LRRTM4: variants seen among roughly 807,000 people sequenced by gnomAD.
The protein encoded by LRRTM4 is leucine rich repeat transmembrane neuronal 4.
Under a neutral mutation model 47.6 loss-of-function variants are expected in LRRTM4, and 25 were observed. The ratio of observed to expected loss-of-function variants is 0.53; its 90% CI spans 0.38 to 0.73. The LOEUF (loss-of-function observed/expected upper bound fraction) is 0.73, where lower values mean the gene tolerates loss of function less well. Among genes scored for constraint, LRRTM4 ranks in the 30% least tolerant of loss-of-function variants. LRRTM4 has a pLI of 0.00. For synonymous variants in LRRTM4, 311 were observed against 269.5 expected (o/e 1.15, Z -1.51); for missense variants, 638 against 713.4 (o/e 0.89, Z 1.20).
intron 3 of LRRTM4, among the ~76,000 whole-genome samples, chr2:77,350,332 C>CAAAAAAAAAA (rs61365229): frequency 2.3e-4 from 9 of 39,190 alleles, no homozygotes; most frequent in East Asian, 1.3e-3. Flanking sequence ...GACTCCGTCT[C>CAAAAAAAAAA]AAAAAAAAAA....
chr2:77,435,826 T>G (rs1675571686), intron 3 of LRRTM4, among the ~76,000 whole-genome samples: 2 of 152,180 alleles, frequency 1.3e-5, no homozygotes, highest in African/African-American at 2.4e-5. Context: ...GCTTCAGTTA[T>G]ATATTCATTC....
chr2:77,370,443 A>T (rs1319228188), intron 3 of LRRTM4, among the ~76,000 whole-genome samples: 1 of 151,542 alleles, frequency 6.6e-6, no homozygotes, highest in Non-Finnish European at 1.5e-5. Context: ...TAGTAATCTC[A>T]ATGCTTCTAA....
rs77347759 is a variant in LRRTM4 at position 76,934,390 on chromosome 2, A to G, written c.1552-185474T>C. On this transcript the variant is annotated intron_variant, in intron 3 of 3. Transcript: ENST00000409884. The stretch of plus-strand genomic sequence containing the variant: ...CCAGCATTTAGATCCAGTCGTATAT[A>G]TGACAGTAATGTGACTAGGGACATA... Among the ~76,000 whole-genome samples, 781 of 152,282 alleles carry G rather than the reference A, an allele frequency of 5.1e-3. 4 individuals carry two copies. The highest frequency in any genetic ancestry group is 0.018 in the African/African-American group (744 of 41,554).
At chr2:76,966,562 C>G (rs1558766681) in intron 3 of LRRTM4, among the ~76,000 whole-genome samples, 1 of 151,308 alleles carries the variant, frequency 6.6e-6, no homozygotes, top group African/African-American at 2.4e-5. Context: ...GAAGAAAATC[C>G]CTCAATTCTC....
chr2:77,418,069 A>G (rs290005), intron 3 of LRRTM4, among the ~76,000 whole-genome samples: 82,167 of 151,992 alleles, frequency 0.54, 23,134 homozygotes, highest in African/African-American at 0.69. Flanking sequence ...AAACAAATGC[A>G]AACTTTCATT....
chr2:77,142,832 TTTTGTAA>T, intron 3 of LRRTM4, among the ~76,000 whole-genome samples: 1 of 152,216 alleles, frequency 6.6e-6, no homozygotes, highest in Non-Finnish European at 1.5e-5. Context: ...GGGTTTGCTT[TTTTGTAA>T]TTTGCACTTA....
chr2:77,411,020 C>T (rs1277851592), intron 3 of LRRTM4, among the ~76,000 whole-genome samples: 1 of 152,076 alleles, frequency 6.6e-6, no homozygotes, highest in Non-Finnish European at 1.5e-5. Flanking sequence ...TTATAATCTA[C>T]CTGGAACAAT....
At chr2:77,070,929 T>C (rs970240438) in intron 3 of LRRTM4, among the ~76,000 whole-genome samples, 2 of 152,204 alleles carry the variant, frequency 1.3e-5, no homozygotes, top group Non-Finnish European at 2.9e-5. Flanking sequence ...AAAGTATTTT[T>C]TTGAAATAAC....
At chr2:76,910,499 TA>T (rs935037791) in intron 3 of LRRTM4, among the ~76,000 whole-genome samples, 4 of 151,690 alleles carry the variant, frequency 2.6e-5, no homozygotes, top group South Asian at 2.1e-4. Flanking sequence ...AGTATAATAA[TA>T]AAAAAAAGAA....
chr2:77,074,071 A>G (rs1299851148), intron 3 of LRRTM4, among the ~76,000 whole-genome samples: 2 of 152,168 alleles, frequency 1.3e-5, no homozygotes, highest in African/African-American at 2.4e-5. Flanking sequence ...TAAATTTTCA[A>G]TATTGCATAG....
chr2:76,871,050 T>A (rs1672609419), intron 3 of LRRTM4, among the ~76,000 whole-genome samples: 1 of 152,212 alleles, frequency 6.6e-6, no homozygotes, highest in Non-Finnish European at 1.5e-5. Context: ...AGCAGTATGA[T>A]GTCTATTATA....
rs371764078 is a variant in LRRTM4, at chr2:77,262,552, TC to T, written c.1551+255765del. The stretch of plus-strand genomic sequence containing the variant: ...TCCCATCTAGAATAACATTTTTTTT[TC>T]ATGTTTTCTTAGACTTTGATAGACT... On this transcript the variant is annotated intron_variant, in intron 3 of 3. Transcript: ENST00000409884. 2.0e-3 allele frequency among the ~76,000 whole-genome samples: 305 copies of T among 152,186 alleles called. 2 individuals are homozygous for T. The highest frequency in any genetic ancestry group is 6.2e-3 in the African/African-American group (257 of 41,528).
At chr2:77,518,235 G>A (rs1679300675) in intron 3 of LRRTM4, 83 bp downstream of exon 3, 5 of 1,422,304 alleles carry the variant, frequency 3.5e-6, no homozygotes, top group Non-Finnish European at 4.6e-6. Flanking sequence ...TCTTTCTAGT[G>A]ATTAGAGACA....
chr2:76,891,331 C>T (rs1244859904), intron 3 of LRRTM4, among the ~76,000 whole-genome samples: 2 of 151,728 alleles, frequency 1.3e-5, no homozygotes, highest in Non-Finnish European at 2.9e-5. Context: ...TATTGCTGGT[C>T]TGAAATAATA....
At chr2:77,296,964 C>T (rs1676990903) in intron 3 of LRRTM4, among the ~76,000 whole-genome samples, 1 of 152,216 alleles carries the variant, frequency 6.6e-6, no homozygotes, top group African/African-American at 2.4e-5. Context: ...GATCTAGGCT[C>T]AGCACAGGGG....
At chr2:76,973,318 A>C (rs1453123488) in intron 3 of LRRTM4, among the ~76,000 whole-genome samples, 1 of 151,962 alleles carries the variant, frequency 6.6e-6, no homozygotes, top group Non-Finnish European at 1.5e-5. Flanking sequence ...GGAGAGTACT[A>C]GTTGTCCCAG....
At chr2:77,466,892 T>C (rs1677002393) in intron 3 of LRRTM4, among the ~76,000 whole-genome samples, 1 of 151,946 alleles carries the variant, frequency 6.6e-6, no homozygotes, top group South Asian at 2.1e-4. Flanking sequence ...AGAGACGGGA[T>C]TTCACCATGT....
At chr2:77,334,864 C>T (rs1209167317) in intron 3 of LRRTM4, among the ~76,000 whole-genome samples, 2 of 152,246 alleles carry the variant, frequency 1.3e-5, no homozygotes, top group East Asian at 3.9e-4. Context: ...GGGCAGTTGC[C>T]CTCATTTTCA....
Position 76,793,325 on chromosome 2 carries a change from T to TCAATGACAGAGTTGA in LRRTM4, c.1552-44424_1552-44410dup, listed in dbSNP as rs2103724518. On this transcript the variant is annotated intron_variant, in intron 3 of 3. Transcript: ENST00000409884. ...TTAGCAAACAAATGCCTCTGGCTATTCAATGACAGAGTTGAGTAGATGGGA... is the reference window on the plus strand; with the variant it reads ...TTAGCAAACAAATGCCTCTGGCTATTCAATGACAGAGTTGACAATGACAGAGTTGAGTAGATGGGA... 2.0e-5 allele frequency among the ~76,000 whole-genome samples: 3 copies of TCAATGACAGAGTTGA among 152,298 alleles called. No individual in the cohort carries two copies. In the South Asian group the frequency reaches 6.2e-4, roughly 32 times the overall value.
Sources: gnomAD v4.1 joint callset for allele counts (sites outside exome capture counted in the v4.1 genomes callset) on GRCh38, gnomAD v4.1.1 for gene constraint, MANE v1.5 for transcripts, NCBI Gene and HGNC (gene_info 2026-07-23, HGNC 2026-07-21) for gene names.